Variants in OSBP2 observed in about 807,000 individuals in gnomAD.
OSBP2 encodes the protein oxysterol-binding protein 2.
A neutral mutation model predicts 96.0 loss-of-function variants in OSBP2; 66 were observed. The ratio of observed to expected loss-of-function variants is 0.69; its 90% CI spans 0.56 to 0.84. The LOEUF (loss-of-function observed/expected upper bound fraction) is 0.84, where lower values mean the gene tolerates loss of function less well. Ranked by LOEUF, OSBP2 falls within the 40% of genes least tolerant of loss-of-function variation. The pLI is 0.00. For synonymous variants in OSBP2, 525 were observed against 520.9 expected, an observed-to-expected ratio of 1.01 and a Z score of -0.11; for missense variants, 1,038 against 1,222.7, an observed-to-expected ratio of 0.85 and a Z score of 2.25.
chr22:30,778,331 A>ACACACACC (rs957647622), intron 2 of OSBP2, among the ~76,000 whole-genome samples: 3 of 151,146 alleles, frequency 2.0e-5, no homozygotes, highest in Admixed American at 6.6e-5. Context: ...ACACACACAC[A>ACACACACC]CACCCACTGA....
chr22:30,820,552 A>G (rs2038252679), intron 2 of OSBP2, among the ~76,000 whole-genome samples: 1 of 152,128 alleles, frequency 6.6e-6, no homozygotes, highest in Admixed American at 6.6e-5. Flanking sequence ...GTGGCCTCTG[A>G]GGTCAGCCAG....
intron 1 of OSBP2, among the ~76,000 whole-genome samples, chr22:30,730,243 G>A (rs1403776837): frequency 3.3e-5 from 5 of 152,030 alleles, no homozygotes; most frequent in Non-Finnish European, 7.4e-5. Context: ...GATTACAGGC[G>A]CGAGCCACCG....
chr22:30,903,849 A>G (rs2040268956), intron 12 of OSBP2, among the ~76,000 whole-genome samples: 1 of 152,160 alleles, frequency 6.6e-6, no homozygotes, highest in African/African-American at 2.4e-5. Context: ...CATAGCCAAA[A>G]TGGGTCTAGA....
intron 2 of OSBP2, among the ~76,000 whole-genome samples, chr22:30,781,590 G>A (rs1035782199): frequency 6.6e-6 from 1 of 152,180 alleles, no homozygotes; most frequent in African/African-American, 2.4e-5. Context: ...AAAGATCCAG[G>A]GGATGTGAAT....
chr22:30,730,542 G>A (rs1385066677), intron 1 of OSBP2, among the ~76,000 whole-genome samples: 2 of 151,626 alleles, frequency 1.3e-5, no homozygotes, highest in Admixed American at 1.3e-4. Flanking sequence ...TTATATAGTA[G>A]CCCACAGGAA....
At chr22:30,703,472 C>T (rs539056769) in intron 1 of OSBP2, among the ~76,000 whole-genome samples, 30 of 148,606 alleles carry the variant, frequency 2.0e-4, no homozygotes, top group African/African-American at 4.7e-4. Context: ...CCATGCCCGG[C>T]CTTATAGCTT....
upstream of OSBP2, among the ~76,000 whole-genome samples, chr22:30,694,580 G>A (rs554208222): frequency 0.47 from 287 of 616 alleles, 7 homozygotes; most frequent in South Asian, 0.53. Context: ...TCCAGCGCCT[G>A]GCACGGCTGG....
At chr22:30,817,207 T>G (rs532485727) in intron 2 of OSBP2, among the ~76,000 whole-genome samples, 1 of 152,242 alleles carries the variant, frequency 6.6e-6, no homozygotes. Context: ...TAAGAATGGC[T>G]ATTCTTAGAA....
At chr22:30,774,737 A>G (rs2145795604) in intron 2 of OSBP2, among the ~76,000 whole-genome samples, 1 of 152,324 alleles carries the variant, frequency 6.6e-6, no homozygotes, top group Non-Finnish European at 1.5e-5. Context: ...ATTAAACTTG[A>G]CAATATGTTG....
chr22:30,887,349 G>A, intron 3 of OSBP2, 77 bp from the exon 4 acceptor site: 1 of 1,265,212 alleles, frequency 7.9e-7, no homozygotes, highest in South Asian at 1.3e-5. Flanking sequence ...AGGTGGAGTT[G>A]CTCTGGTTCA....
At chr22:30,768,725 G>C (rs1394039276) in intron 2 of OSBP2, among the ~76,000 whole-genome samples, 1 of 151,920 alleles carries the variant, frequency 6.6e-6, no homozygotes, top group Non-Finnish European at 1.5e-5. Context: ...TTGCCATTAA[G>C]GTAGTTTAAG....
chr22:30,829,650 A>G (rs1046075605), intron 2 of OSBP2, among the ~76,000 whole-genome samples: 5 of 152,214 alleles, frequency 3.3e-5, no homozygotes, highest in Admixed American at 6.5e-5. Flanking sequence ...AACTGTTGTA[A>G]TAGTTTAAAA....
intron 2 of OSBP2, chr22:30,822,805 C>A: frequency 9.6e-7 from 1 of 1,042,830 alleles, no homozygotes; most frequent in Non-Finnish European, 1.3e-6. Context: ...TCCACGGGAG[C>A]CTCTGATGTC....
At chr22:30,863,161 G>A (rs145062562) in intron 2 of OSBP2, among the ~76,000 whole-genome samples, 379 of 152,142 alleles carry the variant, frequency 2.5e-3, no homozygotes, top group African/African-American at 8.6e-3. Flanking sequence ...TCTCAAACAC[G>A]GTGACGTTGC....
intron 2 of OSBP2, among the ~76,000 whole-genome samples, chr22:30,750,247 A>G (rs1292784675): frequency 6.6e-6 from 1 of 152,122 alleles, no homozygotes; most frequent in Non-Finnish European, 1.5e-5. Flanking sequence ...CAGTTGACCA[A>G]ACTTCTCCCT....
intron 2 of OSBP2, among the ~76,000 whole-genome samples, chr22:30,755,051 C>G (rs1305693596): frequency 6.6e-6 from 1 of 152,210 alleles, no homozygotes; most frequent in Non-Finnish European, 1.5e-5. Flanking sequence ...TCTTCCTGAC[C>G]TCTTAGCTTT....
chr22:30,771,029 G>A (rs979357339), intron 2 of OSBP2, among the ~76,000 whole-genome samples: 1 of 152,234 alleles, frequency 6.6e-6, no homozygotes, highest in African/African-American at 2.4e-5. Context: ...GCAGGGCAAG[G>A]TCATGCCTGA....
intron 2 of OSBP2, among the ~76,000 whole-genome samples, chr22:30,846,989 A>AT (rs1274594294): frequency 2.0e-5 from 3 of 151,706 alleles, no homozygotes; most frequent in East Asian, 3.9e-4. Flanking sequence ...TTATTTATTT[A>AT]TTTTTTGAGA....
At chr22:30,866,682 A>G (rs2039345933) in intron 2 of OSBP2, among the ~76,000 whole-genome samples, 1 of 152,188 alleles carries the variant, frequency 6.6e-6, no homozygotes, top group Non-Finnish European at 1.5e-5. Context: ...GGTTGCAGTG[A>G]ACCGAGATTG....
Sources: allele counts gnomAD v4.1 joint callset (sites outside exome capture counted in the v4.1 genomes callset), GRCh38; gene constraint gnomAD v4.1.1; transcripts MANE v1.5; gene names NCBI Gene and HGNC (gene_info 2026-07-23, HGNC 2026-07-21).